NRDC: variants seen among roughly 807,000 people sequenced by gnomAD.
NRDC encodes nardilysin.
Under a neutral mutation model 147.1 loss-of-function variants are expected in NRDC, and 54 were observed. The ratio of observed to expected loss-of-function variants is 0.37; its 90% CI spans 0.29 to 0.46. The LOEUF (loss-of-function observed/expected upper bound fraction) is 0.46. Among genes scored for constraint, NRDC ranks in the 20% least tolerant of loss-of-function variants. NRDC has a pLI of 1.00. For missense variants in NRDC, 1,082 were observed against 1,370.6 expected (o/e 0.79, Z 3.33); for synonymous variants, 440 against 482.1 (o/e 0.91, Z 1.14).
At chr1:51,871,961 T>TC (rs199646301) in intron 1 of NRDC, among the ~76,000 whole-genome samples, 2,102 of 152,304 alleles carry the variant, frequency 0.014, 40 homozygotes, top group African/African-American at 0.047. Flanking sequence ...AACCTCTGCC[T>TC]CCCGGGTTCA....
Position 51,803,955 on chromosome 1 carries a change from G to C in NRDC, c.2172C>G (p.Leu724=), listed in dbSNP as rs771022383. 6.2e-7 allele frequency: 1 copy of C among 1,604,338 alleles called. No homozygotes were observed. Among genetic ancestry groups the C allele is most frequent in the Non-Finnish European group, 8.5e-7 (1 of 1,175,644 alleles). The change falls in exon 20 of 31, where the codon CTC becomes CTG. Residue 724 remains leucine (L), a synonymous_variant. Transcript: ENST00000352171. ...TAAGGATATTGACAAAGATATCAAA[G>C]AGGACCACACTAAGAAGTACAAAAT... ...LIQKSAANVV[L]FDIFVNILTH...
At chr1:51,856,560 TAA>T (rs1239365159) in intron 1 of NRDC, among the ~76,000 whole-genome samples, 1 of 152,084 alleles carries the variant, frequency 6.6e-6, no homozygotes, top group Non-Finnish European at 1.5e-5. Flanking sequence ...ATATTACAGA[TAA>T]AGAGATGCAC....
chr1:51,825,162 G>T, intron 6 of NRDC, 125 bp downstream of exon 6: 1 of 658,200 alleles, frequency 1.5e-6, no homozygotes. Flanking sequence ...AGGCTAACTA[G>T]CTATCCTAAA....
chr1:51,828,909 A>G (rs1245695272), intron 4 of NRDC, among the ~76,000 whole-genome samples: 3 of 152,050 alleles, frequency 2.0e-5, no homozygotes, highest in African/African-American at 7.2e-5. Context: ...TTATAGAGAC[A>G]GGGTCTCCCT....
chr1:51,819,160 G>C (rs11205895), intron 9 of NRDC, among the ~76,000 whole-genome samples: 6,880 of 152,026 alleles, frequency 0.045, 505 homozygotes, highest in African/African-American at 0.16. Context: ...AAATCAGCTG[G>C]GCATAGTGGT....
intron 24 of NRDC, among the ~76,000 whole-genome samples, chr1:51,792,717 C>G (rs555740735): frequency 6.6e-6 from 1 of 152,276 alleles, no homozygotes; most frequent in East Asian, 1.9e-4. Flanking sequence ...AGGACACATT[C>G]TAAAATTAAG....
intron 1 of NRDC, among the ~76,000 whole-genome samples, chr1:51,842,790 G>A (rs1383505631): frequency 6.6e-6 from 1 of 152,114 alleles, no homozygotes; most frequent in Non-Finnish European, 1.5e-5. Flanking sequence ...ACAGGGCAGG[G>A]CACAGTGGCT....
chr1:51,790,348 C>T (rs1678547964), intron 29 of NRDC, among the ~76,000 whole-genome samples, 185 bp downstream of exon 29: 1 of 152,194 alleles, frequency 6.6e-6, no homozygotes, highest in Non-Finnish European at 1.5e-5. Flanking sequence ...TAGCACCCAG[C>T]TCACGTGGCC....
chr1:51,814,023 G>C lies in NRDC; in HGVS notation c.1674+12C>G, dbSNP rs374961615. 2 of 1,568,454 alleles carry C rather than the reference G, an allele frequency of 1.3e-6. No individual in the cohort carries two copies. On this transcript the variant is annotated intron_variant, in intron 14 of 30. Transcript: ENST00000352171. ...CACAGATAACATGCAAAAAGAATTT[G>C]ACTTCCAGTACCTGTTCTTGGTAAT...
Position 51,878,674 on chromosome 1 carries a change from C to G in NRDC, c.-59G>C. ...TCCCAGGACCCACCTCCTCCGCGTT[C>G]TAGAGGCGGTGGCGGCCGGCCCTGG... On this transcript the variant is annotated 5_prime_UTR_variant, in exon 1 of 31. Coordinates refer to ENST00000352171, the MANE Select transcript of NRDC (RefSeq NM_001101662.2). 1 of 1,478,046 alleles carries G rather than the reference C, an allele frequency of 6.8e-7. No homozygotes were observed. The highest frequency in any genetic ancestry group is 9.2e-7 in the Non-Finnish European group (1 of 1,086,500). The allele number at this position is 1,478,046 out of a possible 1,614,324, so 91.6% of individuals were successfully genotyped here.
intron 16 of NRDC, 106 bp from the exon 17 acceptor site, chr1:51,809,507 AG>A: frequency 1.2e-6 from 1 of 817,338 alleles, no homozygotes; most frequent in Non-Finnish European, 2.1e-6. Flanking sequence ...ATCCTTTCTC[AG>A]GAATACTGTG....
Position 51,878,323 on chromosome 1 carries a change from G to A in NRDC, c.293C>T (p.Ala98Val). Residue 98 changes from alanine (A) to valine (V), a missense_variant, in exon 1 of 31, where the codon GCT becomes GTT. Coordinates refer to ENST00000352171, the MANE Select transcript of NRDC (RefSeq NM_001101662.2). ...EEGRRGSLSN[A>V]GDPEIVKSPS... The stretch of plus-strand genomic sequence containing the variant: ...AGACTTGACGATCTCAGGGTCCCCA[G>A]CATTACTGAGAGACCCCCTCCGTCC... 1 of 1,614,122 alleles carries A rather than the reference G, an allele frequency of 6.2e-7. No individual in the cohort carries two copies.
chr1:51,827,962 T>C (rs1402295089), intron 4 of NRDC, 93 bp from the exon 5 acceptor site: 16 of 939,296 alleles, frequency 1.7e-5, no homozygotes, highest in Non-Finnish European at 2.5e-5. Flanking sequence ...AAGTTGGAGA[T>C]TTAATTCACA....
chr1:51,792,253 G>T, intron 25 of NRDC, 124 bp downstream of exon 25: 2 of 1,320,340 alleles, frequency 1.5e-6, no homozygotes, highest in Non-Finnish European at 2.2e-6. Context: ...AACAGTAAAT[G>T]ACCATCTCAC....
At chr1:51,790,346 A>G (rs1678547749) in intron 29 of NRDC, among the ~76,000 whole-genome samples, 187 bp downstream of exon 29, 1 of 152,226 alleles carries the variant, frequency 6.6e-6, no homozygotes, top group African/African-American at 2.4e-5. Context: ...ATTAGCACCC[A>G]GCTCACGTGG....
intron 25 of NRDC, 122 bp downstream of exon 25, chr1:51,792,255 C>T (rs1678691242): frequency 7.6e-7 from 1 of 1,318,874 alleles, no homozygotes; most frequent in Non-Finnish European, 1.1e-6. Context: ...CAGTAAATGA[C>T]CATCTCACCT....
chr1:51,838,086 C>T (rs1681075065), intron 2 of NRDC, among the ~76,000 whole-genome samples: 1 of 152,172 alleles, frequency 6.6e-6, no homozygotes, highest in Non-Finnish European at 1.5e-5. Context: ...TTTCCTTTCA[C>T]TAGTGAACCC....
intron 6 of NRDC, 27 bp from the exon 7 acceptor site, chr1:51,823,813 A>G (rs765752998): frequency 6.5e-7 from 1 of 1,543,186 alleles, no homozygotes. Flanking sequence ...AAAATTATAG[A>G]TATAACTAAG....
chr1:51,865,097 T>G (rs1682741628), intron 1 of NRDC, among the ~76,000 whole-genome samples: 9 of 152,066 alleles, frequency 5.9e-5, no homozygotes, highest in Admixed American at 5.9e-4. Flanking sequence ...GCTATGGACT[T>G]AGAGAATACA....
Sources: gnomAD v4.1 joint callset for allele counts (sites outside exome capture counted in the v4.1 genomes callset) on GRCh38, gnomAD v4.1.1 for gene constraint, MANE v1.5 for transcripts, NCBI Gene and HGNC (gene_info 2026-07-23, HGNC 2026-07-21) for gene names.